Variants in SHROOM3 observed in about 807,000 individuals in gnomAD.
SHROOM3 encodes protein Shroom3.
A neutral mutation model predicts 138.6 loss-of-function variants in SHROOM3; 47 were observed. The ratio of observed to expected loss-of-function variants is 0.34; its 90% confidence interval spans 0.27 to 0.43. The LOEUF is 0.43. Among genes scored for constraint, SHROOM3 ranks in the 20% least tolerant of loss-of-function variants. SHROOM3 has a pLI of 1.00. For synonymous variants in SHROOM3, 1,062 were observed against 1,063.3 expected, an observed-to-expected ratio of 1.00 and a Z score of 0.02; for missense variants, 2,491 against 2,596.5, an observed-to-expected ratio of 0.96 and a Z score of 0.88.
chr4:76,677,388 G>A (rs1333276649), intron 2 of SHROOM3, among the ~76,000 whole-genome samples: 1 of 152,114 alleles, frequency 6.6e-6, no homozygotes, highest in Non-Finnish European at 1.5e-5. Context: ...CTTTACTGTT[G>A]GACCTTGGGA....
At chr4:76,774,672 A>G (rs1007408955) in intron 10 of SHROOM3, among the ~76,000 whole-genome samples, 1 of 149,854 alleles carries the variant, frequency 6.7e-6, no homozygotes, top group Non-Finnish European at 1.5e-5. Context: ...TTTGAAAGGC[A>G]TCCTCATTCA....
rs1182490118 is a variant in SHROOM3 at position 76,672,729 on chromosome 4, C to T, written c.324-37427C>T. 3.3e-5 allele frequency among the ~76,000 whole-genome samples: 5 copies of T among 152,286 alleles called. No individual in the cohort carries two copies. In the East Asian group the frequency reaches 7.7e-4, roughly 24 times the overall value. On this transcript the variant is annotated intron_variant, in intron 2 of 10. Transcript: ENST00000296043. ...TTGGGACTACAGGCTCCCGCCACCA[C>T]GCCTGGCTAATTTTTTGTATTTTTA...
intron 2 of SHROOM3, among the ~76,000 whole-genome samples, chr4:76,686,211 C>T (rs1365631798): frequency 1.3e-5 from 2 of 151,876 alleles, no homozygotes; most frequent in East Asian, 1.9e-4. Context: ...GTAGAGATGG[C>T]GTCCCCCTAT....
chr4:76,755,450 C>T (rs771635581), intron 7 of SHROOM3, among the ~76,000 whole-genome samples: 16 of 152,108 alleles, frequency 1.1e-4, no homozygotes, highest in East Asian at 1.9e-4. Context: ...TAGGCTTAGG[C>T]GGTCCAAGTA....
rs1322523378 is a variant in SHROOM3 at position 76,740,911 on chromosome 4, C to T, written c.2738C>T (p.Ser913Leu). 2.0e-6 allele frequency: 3 copies of T among 1,503,332 alleles called. No homozygotes were observed. The highest frequency in any genetic ancestry group is 2.7e-6 in the Non-Finnish European group (3 of 1,129,428). 93.1% of individuals were successfully genotyped at this position (1,503,332 alleles called of 1,614,324 possible). ...CGGGACAGGCCCGGCTCGCCCGAATCGCCCCTGCTGGATGCCCCCTTCAGC... is the reference window on the plus strand; with the variant it reads ...CGGGACAGGCCCGGCTCGCCCGAATTGCCCCTGCTGGATGCCCCCTTCAGC... ...EWRDRPGSPE[S>L]PLLDAPFSRA... is the part of the protein sequence containing the mutation. Residue 913 changes from serine (S) to leucine (L), a missense_variant, in exon 5 of 11, where the codon TCG (serine) becomes TTG (leucine). Ser to Leu is a moderately radical substitution (Grantham distance 145). This residue lies in a region of SHROOM3 where 1,733 missense variants were observed against 1,661.6 expected (regional missense o/e 1.04). Transcript: ENST00000296043. This position sits in a 1 kb window ranked among gnomAD's most constrained non-coding sequence, Gnocchi z 4.0.
At chr4:76,603,748 A>G (rs1262330417) in intron 2 of SHROOM3, among the ~76,000 whole-genome samples, 1 of 151,946 alleles carries the variant, frequency 6.6e-6, no homozygotes, top group Admixed American at 6.6e-5. Flanking sequence ...CAACCCTGCA[A>G]AAGGTCCTGG....
At chr4:76,440,060 A>G (rs1422492140) in intron 1 of SHROOM3, among the ~76,000 whole-genome samples, 1 of 152,244 alleles carries the variant, frequency 6.6e-6, no homozygotes, top group African/African-American at 2.4e-5. Flanking sequence ...GTGGCTCAGA[A>G]AAGCAGTTCC....
intron 1 of SHROOM3, among the ~76,000 whole-genome samples, chr4:76,488,352 G>A (rs1731781179): frequency 6.6e-6 from 1 of 151,962 alleles, no homozygotes; most frequent in African/African-American, 2.4e-5. Context: ...ATTTTTAATG[G>A]GCCAAAGCTA....
intron 2 of SHROOM3, among the ~76,000 whole-genome samples, chr4:76,593,628 CTT>C (rs1560557552): frequency 6.6e-6 from 1 of 152,150 alleles, no homozygotes; most frequent in Non-Finnish European, 1.5e-5. Flanking sequence ...AAAGTAAACT[CTT>C]TTTAAAAATT....
At chr4:76,762,193 A>G (rs1380630244) in intron 9 of SHROOM3, among the ~76,000 whole-genome samples, 1 of 152,256 alleles carries the variant, frequency 6.6e-6, no homozygotes, top group Non-Finnish European at 1.5e-5. Context: ...ATGATCTCTC[A>G]CATAATAGTT....
In SHROOM3 at chr4:76,754,607, G is replaced by A. The variant is rs749098497; in HGVS notation, c.4124G>A (p.Arg1375Gln). The change falls in exon 7 of 11, where the codon CGA (arginine) becomes CAA (glutamine). Residue 1375 changes from arginine (R) to glutamine (Q), a missense_variant. Physicochemically the swap from Arg to Gln is conservative, Grantham distance 43 (BLOSUM62 1). This residue lies in a region of SHROOM3 where 1,733 missense variants were observed against 1,661.6 expected (regional missense o/e 1.04). Transcript: ENST00000296043. ...GYCSQDGQTG[R>Q]QPLPPYTPAM... ...TGCTCACAGGACGGTCAGACAGGGC[G>A]ACAGCCTCTCCCGCCCTACACCCCT... The A allele has an allele frequency of 1.2e-5, 20 of 1,613,954 alleles. No homozygotes were observed. The highest frequency in any genetic ancestry group is 3.3e-4 in the Middle Eastern group (2 of 6,082).
intron 2 of SHROOM3, among the ~76,000 whole-genome samples, chr4:76,656,076 G>A (rs1393971544): frequency 1.3e-5 from 2 of 152,172 alleles, no homozygotes; most frequent in Non-Finnish European, 2.9e-5. Flanking sequence ...TGGAGTCAGG[G>A]ACTCAGGCAT....
In SHROOM3 at chr4:76,519,207, C is replaced by T. The variant is rs564686398; in HGVS notation, c.169-36402C>T. On this transcript the variant is annotated intron_variant, in intron 1 of 10. Coordinates refer to ENST00000296043, the MANE Select transcript of SHROOM3 (RefSeq NM_020859.4). ...CTGACTGTAGACGGGAGGGCTATTC[C>T]CTTAAAGGAGGGATGCCTTTCCTAG... 2.0e-5 allele frequency among the ~76,000 whole-genome samples: 3 copies of T among 152,166 alleles called. No individual in the cohort carries two copies. The East Asian group carries it at 5.8e-4, about 30-fold the overall frequency.
chr4:76,752,242 T>A (rs1404978267), intron 6 of SHROOM3, among the ~76,000 whole-genome samples: 1 of 152,192 alleles, frequency 6.6e-6, no homozygotes, highest in African/African-American at 2.4e-5. Context: ...ATGAAGTACT[T>A]AAAGTAGTCA....
At chr4:76,554,971 C>T (rs1163018540) in intron 1 of SHROOM3, among the ~76,000 whole-genome samples, 1 of 151,666 alleles carries the variant, frequency 6.6e-6, no homozygotes, top group South Asian at 2.1e-4. Flanking sequence ...AGGTAGCACA[C>T]TCCTTATGAG....
chr4:76,722,178 GA>G (rs950534350), intron 3 of SHROOM3, among the ~76,000 whole-genome samples: 5 of 151,902 alleles, frequency 3.3e-5, no homozygotes, highest in Admixed American at 2.0e-4. Flanking sequence ...GAAAAATGGG[GA>G]AAAACAGCAG....
chr4:76,480,689 C>T (rs974769317), intron 1 of SHROOM3, among the ~76,000 whole-genome samples: 6 of 152,116 alleles, frequency 3.9e-5, no homozygotes, highest in African/African-American at 9.7e-5. Context: ...ACATTCTTCT[C>T]GCACCACATC....
intron 2 of SHROOM3, among the ~76,000 whole-genome samples, chr4:76,653,716 C>T (rs577026574): frequency 6.6e-6 from 1 of 152,154 alleles, no homozygotes; most frequent in African/African-American, 2.4e-5. Flanking sequence ...CAGGGCCATG[C>T]CACCACACCT....
chr4:76,717,250 TG>T (rs1720401668), intron 3 of SHROOM3, among the ~76,000 whole-genome samples: 1 of 152,236 alleles, frequency 6.6e-6, no homozygotes, highest in Non-Finnish European at 1.5e-5. Context: ...TTTTCCCATC[TG>T]GCTTCTTTCA....
Sources: allele counts gnomAD v4.1 joint callset (sites outside exome capture counted in the v4.1 genomes callset), GRCh38; gene constraint gnomAD v4.1.1; regional missense constraint gnomAD v4.1.1; non-coding constraint Gnocchi (gnomAD v3.1); transcripts MANE v1.5; gene names NCBI Gene and HGNC (gene_info 2026-07-23, HGNC 2026-07-21).